IL22RA2: variants seen among roughly 807,000 people sequenced by gnomAD.
IL22RA2 encodes interleukin-22 receptor subunit alpha-2.
Under a neutral mutation model 30.7 loss-of-function variants are expected in IL22RA2, and 39 were observed. The observed-to-expected ratio is 1.27, with a 90% confidence interval of 0.98 to 1.66. IL22RA2 has a LOEUF of 1.66. IL22RA2 is among the 40% of genes most tolerant of loss of function. The pLI is 0.00. For missense variants in IL22RA2, 315 were observed against 312.7 expected, an observed-to-expected ratio of 1.01 and a Z score of -0.05; for synonymous variants, 103 against 105.0, an observed-to-expected ratio of 0.98 and a Z score of 0.11.
At position 137,145,878 on chromosome 6, in the gene IL22RA2, G is replaced by T. The variant is rs1001101994; in HGVS notation, c.643-105C>A. 1.5e-5 allele frequency: 18 copies of T among 1,164,584 alleles called. 1 individual carries two copies. In the African/African-American group the frequency reaches 2.8e-4, roughly 18 times the overall value. 72.1% of individuals were successfully genotyped at this position (1,164,584 alleles called of 1,614,324 possible). ...TTGTACATGGTCACAGCAGTAGATG[G>T]GTTGTGGGGTTTCTTCCCAGACACA... On this transcript the variant is annotated intron_variant, in intron 6 of 6. Coordinates refer to ENST00000296980, the MANE Select transcript of IL22RA2 (RefSeq NM_052962.3).
At chr6:137,161,559 G>A in intron 2 of IL22RA2, 130 bp downstream of exon 2, 1 of 715,894 alleles carries the variant, frequency 1.4e-6, no homozygotes, top group Non-Finnish European at 2.5e-6. Context: ...TGCCTGCTCT[G>A]ATCATTTAGT....
chr6:137,145,605 G>T lies in IL22RA2; in HGVS notation c.*19C>A. ...GGAGCTTTAGAATTTCCACATTGCTGAATGCCAAATTCCACAAGTCATGGA... is the reference window on the plus strand; with the variant it reads ...GGAGCTTTAGAATTTCCACATTGCTTAATGCCAAATTCCACAAGTCATGGA... On this transcript the variant is annotated 3_prime_UTR_variant, in exon 7 of 7. Coordinates refer to ENST00000296980, the MANE Select transcript of IL22RA2 (RefSeq NM_052962.3). 6.3e-7 allele frequency: 1 copy of T among 1,592,730 alleles called. No individual in the cohort carries two copies. The highest frequency in any genetic ancestry group is 8.6e-7 in the Non-Finnish European group (1 of 1,168,682).
intron 4 of IL22RA2, among the ~76,000 whole-genome samples, chr6:137,155,472 A>G (rs1462254969): frequency 1.3e-5 from 2 of 151,692 alleles, no homozygotes; most frequent in Non-Finnish European, 2.9e-5. Flanking sequence ...AGAGGACTTC[A>G]CAGGGATTCA....
intron 2 of IL22RA2, 140 bp downstream of exon 2, chr6:137,161,549 T>A (rs1388982273): frequency 1.5e-6 from 1 of 684,180 alleles, no homozygotes; most frequent in Non-Finnish European, 2.6e-6. Flanking sequence ...ACTAACCCCA[T>A]GCCTGCTCTG....
chr6:137,170,729 C>A (rs557240998), intron 1 of IL22RA2, among the ~76,000 whole-genome samples: 1 of 151,916 alleles, frequency 6.6e-6, no homozygotes. Context: ...CGCAACAGAC[C>A]CAGGGCTTAC....
intron 5 of IL22RA2, among the ~76,000 whole-genome samples, chr6:137,154,268 C>T (rs1000681709): frequency 5.3e-5 from 8 of 152,110 alleles, no homozygotes; most frequent in Non-Finnish European, 1.0e-4. Context: ...ATGAACTTAA[C>T]CCTCGTGTTT....
chr6:137,158,405 A>G lies in IL22RA2; in HGVS notation c.139T>C (p.Trp47Arg), dbSNP rs201767019. The G allele has an allele frequency of 9.9e-6, 16 of 1,614,036 alleles. No homozygotes were observed. Among genetic ancestry groups the G allele is most frequent in the Admixed American group, 1.7e-5 (1 of 60,002 alleles). The part of the protein sequence containing the change: ...QSRNFHNILQ[W>R]QPGRALTGNS... ...CCAGTAAGTGCCCTCCCAGGCTGCC[A>G]TTGCAAAATGTTGTGAAAATTTCGG... is the stretch of plus-strand genomic sequence containing the variant. Residue 47 changes from tryptophan (W) to arginine (R), a missense_variant, in exon 3 of 7, where the codon TGG (tryptophan) becomes CGG (arginine). By Grantham distance (101) the Trp-to-Arg change is moderately radical (BLOSUM62 -3). Coordinates refer to ENST00000296980, the MANE Select transcript of IL22RA2 (RefSeq NM_052962.3).
intron 4 of IL22RA2, among the ~76,000 whole-genome samples, chr6:137,156,101 G>A (rs1233861058): frequency 3.9e-5 from 6 of 152,204 alleles, no homozygotes; most frequent in Admixed American, 6.5e-5. Flanking sequence ...GGTTGGGAGA[G>A]GGGGAGGGAA....
intron 5 of IL22RA2, among the ~76,000 whole-genome samples, chr6:137,150,260 CT>C (rs1778261395): frequency 6.6e-6 from 1 of 151,996 alleles, no homozygotes; most frequent in Admixed American, 6.6e-5. Context: ...TAGAAACGTG[CT>C]TTTTTGAAAT....
Position 137,145,412 on chromosome 6 carries a change from A to T in IL22RA2, c.*212T>A, listed in dbSNP as rs1778157382. 2.3e-6 allele frequency: 1 copy of T among 443,148 alleles called. No homozygotes were observed. Among genetic ancestry groups the T allele is most frequent in the Non-Finnish European group, 3.9e-6 (1 of 255,392 alleles). 27.5% of individuals were successfully genotyped at this position (443,148 alleles called of 1,614,324 possible). Reference sequence around the variant, plus strand: ...ATTCTCTGCCTCATCTTTACATTTCAATTTTTCGGGGGGAATGTCGTTCAA... The same window carrying T: ...ATTCTCTGCCTCATCTTTACATTTCTATTTTTCGGGGGGAATGTCGTTCAA... On this transcript the variant is annotated 3_prime_UTR_variant, in exon 7 of 7. Coordinates refer to ENST00000296980, the MANE Select transcript of IL22RA2 (RefSeq NM_052962.3).
At chr6:137,161,580 GCTGCAGCC>G in intron 2 of IL22RA2, 101 bp downstream of exon 2, 1 of 827,060 alleles carries the variant, frequency 1.2e-6, no homozygotes, top group Non-Finnish European at 2.0e-6. Context: ...GACATCAAAA[GCTGCAGCC>G]TTTATAAAGT....
intron 5 of IL22RA2, among the ~76,000 whole-genome samples, chr6:137,154,518 G>A (rs1279914878): frequency 6.6e-6 from 1 of 152,160 alleles, no homozygotes; most frequent in East Asian, 1.9e-4. Flanking sequence ...GGGAGGCAGA[G>A]GCCGGAGAAT....
intron 5 of IL22RA2, among the ~76,000 whole-genome samples, 183 bp downstream of exon 5, chr6:137,154,758 G>C (rs1052149352): frequency 2.6e-5 from 4 of 152,168 alleles, no homozygotes; most frequent in Non-Finnish European, 4.4e-5. Context: ...TCTACATCTT[G>C]ATGTTCTGGA....
At chr6:137,159,591 G>A (rs571344783) in intron 2 of IL22RA2, among the ~76,000 whole-genome samples, 8 of 152,268 alleles carry the variant, frequency 5.3e-5, no homozygotes, top group African/African-American at 1.9e-4. Flanking sequence ...CCAAAGTGCT[G>A]GGATTACAGG....
intron 1 of IL22RA2, among the ~76,000 whole-genome samples, chr6:137,164,547 C>A (rs946932711): frequency 6.6e-6 from 1 of 152,234 alleles, no homozygotes; most frequent in East Asian, 1.9e-4. Context: ...AATTCCACCC[C>A]ACTATGCACC....
chr6:137,167,838 G>A (rs531482326), intron 1 of IL22RA2, among the ~76,000 whole-genome samples: 13 of 152,298 alleles, frequency 8.5e-5, no homozygotes, highest in South Asian at 2.1e-4. Context: ...GTCCACGCAC[G>A]GCTGAAGCTT....
intron 2 of IL22RA2, 108 bp from the exon 3 acceptor site, chr6:137,158,590 T>C (rs1562271610): frequency 4.3e-6 from 5 of 1,152,230 alleles, no homozygotes; most frequent in Non-Finnish European, 6.3e-6. Flanking sequence ...AAGTAGTTGC[T>C]CTAAGTGCAG....
intron 1 of IL22RA2, among the ~76,000 whole-genome samples, chr6:137,169,363 G>T (rs1778688776): frequency 6.6e-6 from 1 of 152,176 alleles, no homozygotes; most frequent in Non-Finnish European, 1.5e-5. Flanking sequence ...GAGAGCACCT[G>T]CAGGATTATA....
rs34803852 is a variant in IL22RA2 at position 137,155,002 on chromosome 6, C to T, written c.411G>A (p.Ala137=). Residue 137 remains alanine (A), a synonymous_variant, in exon 5 of 7, where the codon GCG becomes GCA. Transcript: ENST00000296980. Reference sequence around the variant, plus strand: ...ATTCTGAGTAGCTCCCAGCCGAGGCCGCCCTCACCCTCCCGTAATAAGGTT... The same window carrying T: ...ATTCTGAGTAGCTCCCAGCCGAGGCTGCCCTCACCCTCCCGTAATAAGGTT... The part of the protein sequence containing the change: ...IQEPYYGRVR[A]ASAGSYSEWS... 107 of 1,613,916 alleles carry T rather than the reference C, an allele frequency of 6.6e-5. No individual in the cohort carries two copies. The African/African-American group carries it at 1.2e-3, about 18-fold the overall frequency.
Sources: gnomAD v4.1 joint callset for allele counts (sites outside exome capture counted in the v4.1 genomes callset) on GRCh38, gnomAD v4.1.1 for gene constraint, MANE v1.5 for transcripts, NCBI Gene and HGNC (gene_info 2026-07-23, HGNC 2026-07-21) for gene names.